The following ZNF81 variants were observed in gnomAD, a reference collection of about 807,000 sequenced individuals.
ZNF81 encodes zinc finger protein 81, also known as zinc finger protein 81 (HFZ20).
ZNF81 carries 5 observed loss-of-function variants against 32.3 expected under a neutral mutation model. The observed-to-expected ratio is 0.15, with a 90% CI of 0.08 to 0.33. The LOEUF is 0.33. ZNF81 is among the 10% of genes least tolerant of loss of function. ZNF81 has a pLI of 1.00. For missense variants in ZNF81, 379 were observed against 479.8 expected, an observed-to-expected ratio of 0.79 and a Z score of 1.96; for synonymous variants, 163 against 166.8, an observed-to-expected ratio of 0.98 and a Z score of 0.17.
intron 2 of ZNF81, among the ~76,000 whole-genome samples, chrX:47,887,547 A>G (rs1165669414): frequency 3.6e-5 from 4 of 111,842 alleles, no homozygotes; most frequent in African/African-American, 1.3e-4. Flanking sequence ...TCTGACCATG[A>G]CGGAATTAAA....
intron 2 of ZNF81, among the ~76,000 whole-genome samples, chrX:47,882,014 C>T (rs2058622799): frequency 1.8e-5 from 2 of 111,382 alleles, no homozygotes; most frequent in South Asian, 3.7e-4. Context: ...TGGCCTCAAG[C>T]GATCCTCCCA....
In ZNF81 at chrX:47,923,216, A is replaced by G. The variant is rs2058782573; in HGVS notation, c.*6584A>G. 9.0e-6 allele frequency among the ~76,000 whole-genome samples: 1 copy of G among 111,175 alleles called. No individual in the cohort carries two copies. Among genetic ancestry groups the G allele is most frequent in the Non-Finnish European group, 1.9e-5 (1 of 53,001 alleles). On this transcript the variant is annotated 3_prime_UTR_variant, in exon 5 of 5. Coordinates refer to ENST00000338637, the MANE Select transcript of ZNF81 (RefSeq NM_007137.5). ...GAGAGAATTTCTTAATGGGTATTAG[A>G]TACACCTCACTTCCTGAGCCCGCAC...
chrX:47,869,730 C>G (rs1556883705), intron 2 of ZNF81, among the ~76,000 whole-genome samples: 1 of 110,574 alleles, frequency 9.0e-6, no homozygotes, highest in Non-Finnish European at 1.9e-5. Flanking sequence ...GAGTCTTGCT[C>G]TGTTGCCCAG....
chrX:47,886,061 C>T lies in ZNF81; in HGVS notation c.55-1938C>T, dbSNP rs184721551. On this transcript the variant is annotated intron_variant, in intron 2 of 4. Transcript: ENST00000338637. Reference sequence around the variant, plus strand: ...AAATAGTTTATATTTCTTAGTTGGCCTATCCTATTTAATCATTCATTATGA... The same window carrying T: ...AAATAGTTTATATTTCTTAGTTGGCTTATCCTATTTAATCATTCATTATGA... 4.4e-4 allele frequency among the ~76,000 whole-genome samples: 49 copies of T among 112,064 alleles called. 1 individual carries two copies. The East Asian group carries it at 9.3e-3, about 21-fold the overall frequency.
chrX:47,923,246 C>T lies in ZNF81; in HGVS notation c.*6614C>T, dbSNP rs375401152. On this transcript the variant is annotated 3_prime_UTR_variant, in exon 5 of 5. Coordinates refer to ENST00000338637, the MANE Select transcript of ZNF81 (RefSeq NM_007137.5). ...CCTCACTTCCTGAGCCCGCACAGGT[C>T]CCCCTACAACTCTCTGTGCTTGGGA... Among the ~76,000 whole-genome samples, 108 of 111,350 alleles carry T rather than the reference C, an allele frequency of 9.7e-4. No individual in the cohort carries two copies. Among genetic ancestry groups the T allele is most frequent in the African/African-American group, 3.4e-3 (103 of 30,609 alleles).
At chrX:47,852,682 C>T (rs2058500367) in intron 2 of ZNF81, among the ~76,000 whole-genome samples, 1 of 112,746 alleles carries the variant, frequency 8.9e-6, no homozygotes, top group Non-Finnish European at 1.9e-5. Context: ...TCCACCATCT[C>T]TGTAGCTATT....
intron 1 of ZNF81, among the ~76,000 whole-genome samples, chrX:47,842,430 A>G (rs2058453554): frequency 9.0e-6 from 1 of 111,221 alleles, no homozygotes; most frequent in African/African-American, 3.3e-5. Flanking sequence ...AAGTTTCTGC[A>G]GTACCTTTTG....
At chrX:47,912,587 G>C (rs374710335) in intron 4 of ZNF81, among the ~76,000 whole-genome samples, 3 of 108,159 alleles carry the variant, frequency 2.8e-5, no homozygotes, top group African/African-American at 1.0e-4. Flanking sequence ...GTAAGGAATT[G>C]TATTTCCCTC....
chrX:47,894,577 G>A (rs1484145841), intron 3 of ZNF81, among the ~76,000 whole-genome samples: 1 of 111,320 alleles, frequency 9.0e-6, no homozygotes, highest in Non-Finnish European at 1.9e-5. Context: ...AAGACCTCTA[G>A]AACAGCAGAG....
rs1373810812 is a variant in ZNF81, at chrX:47,924,208, G to A, written c.*7576G>A. On this transcript the variant is annotated 3_prime_UTR_variant, in exon 5 of 5. Transcript: ENST00000338637. ...CATCCCTTATTCCATAATGCTCATA[G>A]TTATTATGCTTCCCTGATTGACATA... is the stretch of plus-strand genomic sequence containing the variant. 8.9e-6 allele frequency among the ~76,000 whole-genome samples: 1 copy of A among 112,161 alleles called. No individual in the cohort carries two copies. Among genetic ancestry groups the A allele is most frequent in the African/African-American group, 3.2e-5 (1 of 30,861 alleles).
rs1341027252 is a variant in ZNF81, at chrX:47,922,018, C to T, written c.*5386C>T. ...CTGGCCCAGATTAGGAAGGTTCTGC[C>T]ATCCATCCCAGCCATCCCAAACAAC... On this transcript the variant is annotated 3_prime_UTR_variant, in exon 5 of 5. Transcript: ENST00000338637. 3.6e-5 allele frequency: 4 copies of T among 111,879 alleles called. No homozygotes were observed. Among genetic ancestry groups the T allele is most frequent in the Non-Finnish European group, 7.5e-5 (4 of 53,126 alleles). 9.2% of individuals were successfully genotyped at this position (111,879 alleles called of 1,213,427 possible). A position where few individuals can be genotyped will look rare whatever the true frequency, so the allele number is the denominator to read the frequency against.
intron 1 of ZNF81, among the ~76,000 whole-genome samples, chrX:47,844,939 C>A (rs1427402631): frequency 8.9e-6 from 1 of 112,208 alleles, no homozygotes; most frequent in East Asian, 2.8e-4. Flanking sequence ...TTCCTAATGA[C>A]TGATGTTGTT....
At chrX:47,863,808 A>G (rs1009732383) in intron 2 of ZNF81, among the ~76,000 whole-genome samples, 1 of 112,081 alleles carries the variant, frequency 8.9e-6, no homozygotes, top group African/African-American at 3.2e-5. Flanking sequence ...AGGTAGTATC[A>G]TATCATTTAT....
chrX:47,882,920 G>A (rs782768284), intron 2 of ZNF81, among the ~76,000 whole-genome samples: 7 of 112,635 alleles, frequency 6.2e-5, no homozygotes, highest in African/African-American at 2.3e-4. Context: ...GAATCCAGGA[G>A]GCAGAGGTTG....
chrX:47,870,572 A>G (rs1263762320), intron 2 of ZNF81, among the ~76,000 whole-genome samples: 2 of 112,970 alleles, frequency 1.8e-5, no homozygotes, highest in Non-Finnish European at 3.7e-5. Context: ...AGTGAGAATT[A>G]TGTTTATTAA....
chrX:47,846,701 A>G (rs1939204528), intron 2 of ZNF81, among the ~76,000 whole-genome samples: 1 of 111,858 alleles, frequency 8.9e-6, no homozygotes, highest in Non-Finnish European at 1.9e-5. Context: ...AAGCTCTTCC[A>G]TGCTTTGTTT....
At chrX:47,881,879 C>T (rs781824812) in intron 2 of ZNF81, among the ~76,000 whole-genome samples, 1 of 112,012 alleles carries the variant, frequency 8.9e-6, no homozygotes, top group South Asian at 3.7e-4. Flanking sequence ...TGGGCTCAAA[C>T]GATCCTCCCT....
At position 47,916,185 on chromosome X, in the gene ZNF81, C is replaced by A. The variant is rs186529018; in HGVS notation, c.1539C>A (p.Leu513=). 6.8e-4 allele frequency: 819 copies of A among 1,209,773 alleles called. 1 individual carries two copies. Among genetic ancestry groups the A allele is most frequent in the Non-Finnish European group, 8.8e-4 (787 of 895,146 alleles). Residue 513 remains leucine (L), a synonymous_variant, in exon 5 of 5, where the codon CTC becomes CTA. Coordinates refer to ENST00000338637, the MANE Select transcript of ZNF81 (RefSeq NM_007137.5). ...AGGCTTTCACCAACAGGTCAAATCT[C>A]AATACTCACCAGAAGTCTCATACTG... The part of the protein sequence containing the change: ...CGKAFTNRSN[L]NTHQKSHTGE...
intron 3 of ZNF81, among the ~76,000 whole-genome samples, chrX:47,888,487 T>C (rs1208288980): frequency 1.8e-5 from 2 of 111,003 alleles, no homozygotes; most frequent in African/African-American, 6.6e-5. Flanking sequence ...CACCAGAAGC[T>C]AAGAGAGGCC....
Sources: allele counts gnomAD v4.1 joint callset (sites outside exome capture counted in the v4.1 genomes callset), GRCh38; gene constraint gnomAD v4.1.1; transcripts MANE v1.5; gene names NCBI Gene and HGNC (gene_info 2026-07-23, HGNC 2026-07-21).